Variants in NCOA7 observed in about 807,000 individuals in gnomAD.
NCOA7 encodes 140 kDa estrogen receptor-associated protein.
NCOA7 carries 45 observed loss-of-function variants against 104.3 expected under a neutral mutation model. The ratio of observed to expected loss-of-function variants is 0.43; its 90% CI spans 0.34 to 0.55. The LOEUF (loss-of-function observed/expected upper bound fraction) is 0.55, where lower values mean the gene tolerates loss of function less well. NCOA7 is among the 20% of genes least tolerant of loss of function. The pLI is 0.02. For missense variants in NCOA7, 1,041 were observed against 1,119.7 expected (o/e 0.93, Z 1.00); for synonymous variants, 398 against 402.3 (o/e 0.99, Z 0.13).
chr6:125,878,673 C>T (rs764674747), intron 5 of NCOA7, among the ~76,000 whole-genome samples: 7 of 152,084 alleles, frequency 4.6e-5, no homozygotes, highest in Non-Finnish European at 7.3e-5. Flanking sequence ...CTGCACCCAG[C>T]TCAACTTTAC....
At chr6:125,813,626 T>A (rs968474358) in intron 1 of NCOA7, among the ~76,000 whole-genome samples, 3 of 151,828 alleles carry the variant, frequency 2.0e-5, no homozygotes, top group African/African-American at 7.3e-5. Flanking sequence ...AATTTTTGTA[T>A]TTTTAGAGAG....
chr6:125,922,587 C>A, intron 12 of NCOA7, 95 bp from the exon 13 acceptor site: 2 of 1,429,166 alleles, frequency 1.4e-6, no homozygotes, highest in Non-Finnish European at 1.9e-6. Context: ...GTGTATGATA[C>A]TGAGTTTGAA....
chr6:125,894,287 T>C (rs2128663981), intron 10 of NCOA7, among the ~76,000 whole-genome samples: 1 of 152,294 alleles, frequency 6.6e-6, no homozygotes, highest in Middle Eastern at 3.4e-3. Context: ...CAAAATGTCC[T>C]CTGGAGGACA....
At chr6:125,928,587 T>C (rs755198115) in intron 15 of NCOA7, 49 bp from the exon 16 acceptor site, 5 of 1,567,834 alleles carry the variant, frequency 3.2e-6, no homozygotes, top group Non-Finnish European at 4.3e-6. Flanking sequence ...TAGTGTGTCA[T>C]GTAACATAGA....
At chr6:125,911,750 C>T (rs190516326) in intron 10 of NCOA7, among the ~76,000 whole-genome samples, 6 of 152,184 alleles carry the variant, frequency 3.9e-5, no homozygotes, top group Non-Finnish European at 8.8e-5. Context: ...GGTCGGTCTT[C>T]GTTCCATCTT....
At position 125,862,104 on chromosome 6, in the gene NCOA7, G is replaced by A. The variant is rs1403297003; in HGVS notation, c.271+6864G>A. Among the ~76,000 whole-genome samples, 2 of 127,698 alleles carry A rather than the reference G, an allele frequency of 1.6e-5. 1 individual carries two copies. The highest frequency in any genetic ancestry group is 3.2e-5 in the Non-Finnish European group (2 of 62,650). The allele number at this position is 127,698 out of a possible 152,430, so 83.8% of individuals were successfully genotyped here. On this transcript the variant is annotated intron_variant, in intron 3 of 15. Coordinates refer to ENST00000392477, the MANE Select transcript of NCOA7 (RefSeq NM_181782.5). The stretch of plus-strand genomic sequence containing the variant: ...GACAGGTAGGGGAGACGTGAATGAA[G>A]AGTCTGAGGATCAAAGGTGTTCTTG...
chr6:125,894,051 A>G (rs9401853), intron 10 of NCOA7, among the ~76,000 whole-genome samples: 3 of 151,288 alleles, frequency 2.0e-5, no homozygotes, highest in Non-Finnish European at 4.4e-5. Context: ...TCCTGCTTTC[A>G]CTCTTGGTGC....
upstream of NCOA7, among the ~76,000 whole-genome samples, chr6:125,789,647 C>A (rs920686567): frequency 6.6e-6 from 1 of 152,206 alleles, no homozygotes; most frequent in Non-Finnish European, 1.5e-5. Flanking sequence ...AACCTGACGT[C>A]TAAATTAATA....
At chr6:125,824,102 A>T (rs1778439413) in intron 2 of NCOA7, among the ~76,000 whole-genome samples, 1 of 152,090 alleles carries the variant, frequency 6.6e-6, no homozygotes, top group African/African-American at 2.4e-5. Context: ...TTTGAAAATT[A>T]TTCATCTAAC....
chr6:125,892,856 C>A (rs781517398), intron 10 of NCOA7, among the ~76,000 whole-genome samples: 3 of 152,040 alleles, frequency 2.0e-5, no homozygotes, highest in Non-Finnish European at 4.4e-5. Context: ...TATTACACTG[C>A]GTTAATGACA....
intron 2 of NCOA7, among the ~76,000 whole-genome samples, chr6:125,818,154 A>G (rs535787328): frequency 4.0e-5 from 6 of 148,318 alleles, no homozygotes; most frequent in Middle Eastern, 3.5e-3. Flanking sequence ...CTTGCCCTAC[A>G]TAGTGATTTT....
intron 2 of NCOA7, among the ~76,000 whole-genome samples, chr6:125,844,741 G>A (rs1780451278): frequency 6.6e-6 from 1 of 152,118 alleles, no homozygotes; most frequent in African/African-American, 2.4e-5. Context: ...AAAAGGACAT[G>A]AACATATATT....
At chr6:125,819,464 G>A (rs1370828527) in intron 2 of NCOA7, among the ~76,000 whole-genome samples, 1 of 151,748 alleles carries the variant, frequency 6.6e-6, no homozygotes, top group Non-Finnish European at 1.5e-5. Flanking sequence ...GGTCCAACTG[G>A]TTTTCAGGTG....
intron 1 of NCOA7, among the ~76,000 whole-genome samples, chr6:125,805,282 A>G (rs567787178): frequency 1.1e-4 from 16 of 151,932 alleles, no homozygotes; most frequent in African/African-American, 3.9e-4. Context: ...TTTAGTAGAG[A>G]TGAGGTTTCA....
chr6:125,871,515 A>G (rs1782906049), intron 3 of NCOA7, among the ~76,000 whole-genome samples: 1 of 152,262 alleles, frequency 6.6e-6, no homozygotes, highest in African/African-American at 2.4e-5. Flanking sequence ...CTATAATGAT[A>G]TAAAGACAAT....
At chr6:125,885,381 T>C (rs1359270286) in intron 8 of NCOA7, 38 bp downstream of exon 8, 2 of 1,600,138 alleles carry the variant, frequency 1.2e-6, no homozygotes, top group African/African-American at 1.3e-5. Flanking sequence ...AAAAGGGGTG[T>C]TGAGAGAGCT....
intron 10 of NCOA7, among the ~76,000 whole-genome samples, chr6:125,915,117 T>A (rs1786939066): frequency 6.6e-6 from 1 of 152,214 alleles, no homozygotes; most frequent in African/African-American, 2.4e-5. Flanking sequence ...TGAAAGACAG[T>A]TTTAACAGTT....
intron 3 of NCOA7, among the ~76,000 whole-genome samples, chr6:125,873,320 T>A (rs980955383): frequency 1.3e-5 from 2 of 152,342 alleles, no homozygotes; most frequent in Admixed American, 1.3e-4. Context: ...CACTTCACAC[T>A]ATTCTATTGT....
chr6:125,900,085 T>C, intron 10 of NCOA7: 1 of 529,254 alleles, frequency 1.9e-6, no homozygotes, highest in Non-Finnish European at 3.9e-6. Context: ...GGAATGGGGG[T>C]AAAGGAAGCA....
Sources: gnomAD v4.1 joint callset for allele counts (sites outside exome capture counted in the v4.1 genomes callset) on GRCh38, gnomAD v4.1.1 for gene constraint, MANE v1.5 for transcripts, NCBI Gene and HGNC (gene_info 2026-07-23, HGNC 2026-07-21) for gene names.